WIPF3: variants seen among roughly 807,000 people sequenced by gnomAD.
The protein encoded by WIPF3 is WAS/WASL interacting protein family member 3, also known as WAS/WASL-interacting protein family member 3.
Under a neutral mutation model 38.9 loss-of-function variants are expected in WIPF3, and 33 were observed. That is an observed-to-expected ratio of 0.85 (90% CI 0.64 to 1.14). WIPF3 has a LOEUF of 1.14. Ranked by LOEUF, WIPF3 falls within the 50% of genes most tolerant of loss-of-function variation. The probability of loss-of-function intolerance (pLI) is 0.00; values close to 1 mark genes in which losing one functional copy is unlikely to be tolerated. For synonymous variants in WIPF3, 324 were observed against 269.3 expected (o/e 1.20, Z -1.99); for missense variants, 711 against 652.5 (o/e 1.09, Z -0.98).
rs551308964 is a variant in WIPF3 at position 29,915,737 on chromosome 7, T to A, written c.*1221T>A. The A allele has an allele frequency of 6.6e-6, 1 of 152,450 alleles. No homozygotes were observed. Among genetic ancestry groups the A allele is most frequent in the South Asian group, 2.1e-4 (1 of 4,826 alleles). The allele number at this position is 152,450 out of a possible 1,614,324, so 9.4% of individuals were successfully genotyped here. On this transcript the variant is annotated 3_prime_UTR_variant, in exon 9 of 9. Transcript: ENST00000242140. ...GGAGTGGAAATGTGTTTTTGCTTGCTGCCTGACCCCTGATGTTCCCCATCT... is the reference window on the plus strand; with the variant it reads ...GGAGTGGAAATGTGTTTTTGCTTGCAGCCTGACCCCTGATGTTCCCCATCT...
chr7:29,888,681 G>A (rs1307809278), intron 6 of WIPF3, among the ~76,000 whole-genome samples: 2 of 152,146 alleles, frequency 1.3e-5, no homozygotes, highest in African/African-American at 2.4e-5. Flanking sequence ...ATGTGAAGCC[G>A]TGGAATCTTT....
chr7:29,888,104 C>G lies in WIPF3; in HGVS notation c.1136C>G (p.Pro379Arg). The G allele has an allele frequency of 6.2e-7, 1 of 1,613,942 alleles. No individual in the cohort carries two copies. The highest frequency in any genetic ancestry group is 1.1e-5 in the South Asian group (1 of 91,054). The change falls in exon 6 of 9, where the codon CCC becomes CGC. Residue 379 changes from proline (P) to arginine (R), a missense_variant. Pro to Arg is a moderately radical substitution (Grantham distance 103, BLOSUM62 -2). Coordinates refer to ENST00000242140, the MANE Select transcript of WIPF3 (RefSeq NM_001080529.3). ...GGGKLNPPPA[P>R]PARSPTTELS... ...GGAAAGCTAAATCCACCTCCAGCAC[C>G]CCCTGCGAGATCACCTACCACAGAG...
At chr7:29,893,735 A>G (rs1279086420) in intron 7 of WIPF3, among the ~76,000 whole-genome samples, 3 of 152,138 alleles carry the variant, frequency 2.0e-5, no homozygotes, top group African/African-American at 7.2e-5. Context: ...ATGCAAATGT[A>G]CAGAATCCCA....
rs1227553726 is a variant in WIPF3, at chr7:29,888,054, A to G, written c.1100-14A>G. The G allele has an allele frequency of 6.2e-7, 1 of 1,613,776 alleles. No individual in the cohort carries two copies. The highest frequency in any genetic ancestry group is 8.5e-7 in the Non-Finnish European group (1 of 1,179,790). ...CATCCGTGTTTCTGAGTACACCATC[A>G]TCTTCTCTGTAAGGGGCCGGTGGGG... On this transcript the variant is annotated splice_polypyrimidine_tract_variant and intron_variant, in intron 5 of 8. Coordinates refer to ENST00000242140, the MANE Select transcript of WIPF3 (RefSeq NM_001080529.3).
chr7:29,911,956 T>C (rs1786512764), intron 8 of WIPF3, among the ~76,000 whole-genome samples: 1 of 152,032 alleles, frequency 6.6e-6, no homozygotes, highest in Admixed American at 6.6e-5. Context: ...ATCTTTAAAA[T>C]TTGCATATCA....
intron 2 of WIPF3, among the ~76,000 whole-genome samples, chr7:29,846,501 C>T (rs1195211407): frequency 6.6e-6 from 1 of 152,192 alleles, no homozygotes; most frequent in Admixed American, 6.5e-5. Flanking sequence ...AGGAGTTCAA[C>T]ACCAGCCTGG....
intron 8 of WIPF3, chr7:29,904,609 C>A: frequency 2.1e-6 from 1 of 467,336 alleles, no homozygotes; most frequent in Non-Finnish European, 3.8e-6. Flanking sequence ...TTTAGCAACT[C>A]TGACATTCTG....
At chr7:29,828,963 C>T (rs925393375) in intron 1 of WIPF3, among the ~76,000 whole-genome samples, 1 of 152,194 alleles carries the variant, frequency 6.6e-6, no homozygotes. Context: ...GTCATGGCAG[C>T]CTTTTCCTCT....
chr7:29,860,662 C>A (rs1785259671), intron 2 of WIPF3, among the ~76,000 whole-genome samples: 2 of 152,188 alleles, frequency 1.3e-5, no homozygotes, highest in Non-Finnish European at 2.9e-5. Flanking sequence ...GGAGGATGAT[C>A]TACTCCCATC....
chr7:29,861,842 A>G (rs775952318), intron 2 of WIPF3, among the ~76,000 whole-genome samples: 4 of 152,214 alleles, frequency 2.6e-5, no homozygotes, highest in Non-Finnish European at 4.4e-5. Context: ...AATGTTTGCA[A>G]TCATAGGACA....
At position 29,893,514 on chromosome 7, in the gene WIPF3, G is replaced by A. The variant is rs148733931; in HGVS notation, c.1351+4107G>A. On this transcript the variant is annotated intron_variant, in intron 7 of 8. Transcript: ENST00000242140. ...AGGCTTTAAGCTGCCAATGAACAGGGTCAACTCAGTCCCTCCCAGACAGCC... is the reference window on the plus strand; with the variant it reads ...AGGCTTTAAGCTGCCAATGAACAGGATCAACTCAGTCCCTCCCAGACAGCC... 2.8e-3 allele frequency among the ~76,000 whole-genome samples: 431 copies of A among 152,256 alleles called. 2 individuals are homozygous for A. Among genetic ancestry groups the A allele is most frequent in the African/African-American group, 9.8e-3 (409 of 41,536 alleles).
At chr7:29,861,332 A>G (rs979952505) in intron 2 of WIPF3, among the ~76,000 whole-genome samples, 3 of 152,110 alleles carry the variant, frequency 2.0e-5, no homozygotes, top group Non-Finnish European at 4.4e-5. Flanking sequence ...CATTTACTAT[A>G]TTTGCTTATA....
chr7:29,842,920 ACT>A (rs1326428895), intron 2 of WIPF3, among the ~76,000 whole-genome samples: 1 of 152,168 alleles, frequency 6.6e-6, no homozygotes, highest in Non-Finnish European at 1.5e-5. Context: ...TTCCCCTGAC[ACT>A]CTGGTACTTC....
chr7:29,880,657 G>A (rs776680423), intron 4 of WIPF3, among the ~76,000 whole-genome samples: 51 of 152,290 alleles, frequency 3.3e-4, no homozygotes, highest in Non-Finnish European at 6.8e-4. Context: ...AGTCCTACTG[G>A]TCTGCTTGTC....
intron 1 of WIPF3, among the ~76,000 whole-genome samples, chr7:29,819,598 C>T (rs1784506689): frequency 6.6e-6 from 1 of 151,956 alleles, no homozygotes; most frequent in Admixed American, 6.5e-5. Context: ...TATTGTTACT[C>T]ATGTTTCTTG....
chr7:29,879,708 T>C (rs1415243184), intron 4 of WIPF3, among the ~76,000 whole-genome samples: 2 of 152,234 alleles, frequency 1.3e-5, no homozygotes, highest in African/African-American at 4.8e-5. Flanking sequence ...ATATTTCTCA[T>C]ATTTTTCCAA....
At chr7:29,833,793 G>A (rs1784757845) in intron 1 of WIPF3, among the ~76,000 whole-genome samples, 1 of 152,138 alleles carries the variant, frequency 6.6e-6, no homozygotes, top group Admixed American at 6.5e-5. Context: ...TGCTTTGATT[G>A]TTTTTAGGTT....
chr7:29,806,901 C>T (rs1008699204), intron 1 of WIPF3, among the ~76,000 whole-genome samples: 1 of 151,192 alleles, frequency 6.6e-6, no homozygotes, highest in African/African-American at 2.4e-5. Flanking sequence ...CACCCTGCCA[C>T]GCCGCCCCGG....
chr7:29,891,580 TG>T (rs1786022673), intron 7 of WIPF3, among the ~76,000 whole-genome samples: 1 of 152,116 alleles, frequency 6.6e-6, no homozygotes, highest in Non-Finnish European at 1.5e-5. Flanking sequence ...AAATAGAACA[TG>T]AAGGGCCAGC....
Sources: gnomAD v4.1 joint callset for allele counts (sites outside exome capture counted in the v4.1 genomes callset) on GRCh38, gnomAD v4.1.1 for gene constraint, MANE v1.5 for transcripts, NCBI Gene and HGNC (gene_info 2026-07-23, HGNC 2026-07-21) for gene names.